Variants in CLIP4 observed in about 807,000 individuals in gnomAD.
CLIP4 encodes CAP-Gly domain-containing linker protein 4.
A neutral mutation model predicts 73.1 loss-of-function variants in CLIP4; 47 were observed. That is an observed-to-expected ratio of 0.64 (90% CI 0.51 to 0.82). CLIP4 has a LOEUF of 0.82. CLIP4 is among the 40% of genes least tolerant of loss of function. The pLI, the probability that CLIP4 is intolerant of heterozygous loss-of-function variation, is 0.00. For missense variants in CLIP4, 874 were observed against 852.9 expected (o/e 1.02, Z -0.31); for synonymous variants, 306 against 295.4 (o/e 1.04, Z -0.37).
chr2:29,154,383 C>T (rs966368465), intron 9 of CLIP4, among the ~76,000 whole-genome samples: 3 of 152,104 alleles, frequency 2.0e-5, no homozygotes, highest in Non-Finnish European at 2.9e-5. Flanking sequence ...GGCAGTCCTA[C>T]GTGGTATGGA....
intron 1 of CLIP4, among the ~76,000 whole-genome samples, chr2:29,118,580 G>A (rs189874163): frequency 9.9e-5 from 15 of 150,988 alleles, no homozygotes; most frequent in African/African-American, 3.4e-4. Flanking sequence ...CTGCAGTGGC[G>A]GGATCTCGGC....
chr2:29,123,555 G>T (rs751073434), intron 2 of CLIP4, among the ~76,000 whole-genome samples: 1 of 152,170 alleles, frequency 6.6e-6, no homozygotes, highest in East Asian at 1.9e-4. Flanking sequence ...GAAGAGGCTG[G>T]CTGTGAGAAG....
chr2:29,170,197 G>A (rs958771595), intron 14 of CLIP4, among the ~76,000 whole-genome samples: 34 of 152,254 alleles, frequency 2.2e-4, no homozygotes, highest in African/African-American at 7.7e-4. Flanking sequence ...TGGCTGTTGG[G>A]AATCGTGCTT....
In CLIP4 at chr2:29,162,319, A is replaced by G. The variant is rs753476008; in HGVS notation, c.1535-1512A>G. 8.5e-5 allele frequency among the ~76,000 whole-genome samples: 13 copies of G among 152,358 alleles called. No individual in the cohort carries two copies. In the South Asian group the frequency reaches 1.2e-3, roughly 15 times the overall value. On this transcript the variant is annotated intron_variant, in intron 12 of 15. Coordinates refer to ENST00000320081, the MANE Select transcript of CLIP4 (RefSeq NM_024692.6). Reference sequence around the variant, plus strand: ...CTGTAAGGAAGTAGTAGCATTAAAAATTAATCACTGCTACAGAACAGTGGT... The same window carrying G: ...CTGTAAGGAAGTAGTAGCATTAAAAGTTAATCACTGCTACAGAACAGTGGT...
upstream of CLIP4, among the ~76,000 whole-genome samples, chr2:29,110,864 T>A (rs1217517074): frequency 6.6e-6 from 1 of 152,080 alleles, no homozygotes; most frequent in Non-Finnish European, 1.5e-5. Context: ...AATTTTTGTA[T>A]TTTTAGCAGA....
intron 1 of CLIP4, among the ~76,000 whole-genome samples, chr2:29,103,982 C>G (rs1283477615): frequency 6.6e-6 from 1 of 151,986 alleles, no homozygotes; most frequent in Non-Finnish European, 1.5e-5. Flanking sequence ...GCTGGGATTA[C>G]AGGTGTGAGC....
chr2:29,140,148 A>C (rs1483574670), intron 6 of CLIP4, among the ~76,000 whole-genome samples: 1 of 152,034 alleles, frequency 6.6e-6, no homozygotes, highest in Non-Finnish European at 1.5e-5. Flanking sequence ...TTACATATGT[A>C]TACATGTGCC....
chr2:29,131,885 A>G (rs1479342218), intron 3 of CLIP4: 1 of 416,062 alleles, frequency 2.4e-6, no homozygotes, highest in Non-Finnish European at 4.2e-6. Context: ...AATTTTGCTC[A>G]TTTTTGAGAG....
chr2:29,165,067 C>T (rs1336701809), intron 13 of CLIP4, among the ~76,000 whole-genome samples: 1 of 152,074 alleles, frequency 6.6e-6, no homozygotes, highest in Non-Finnish European at 1.5e-5. Context: ...ATTAATTCCC[C>T]CAGACCCTGC....
At chr2:29,164,024 AT>A in intron 13 of CLIP4, 70 bp downstream of exon 13, 1 of 1,262,094 alleles carries the variant, frequency 7.9e-7, no homozygotes, top group Non-Finnish European at 1.1e-6. Flanking sequence ...AGAGACACTA[AT>A]TTTATATTAA....
At chr2:29,129,976 A>G (rs1259396844) in intron 2 of CLIP4, 1 of 470,822 alleles carries the variant, frequency 2.1e-6, no homozygotes, top group African/African-American at 2.0e-5. Context: ...TTTTTTCAGC[A>G]GCTGCTCTGG....
At chr2:29,149,307 A>G (rs76971649) in intron 8 of CLIP4, among the ~76,000 whole-genome samples, 8,934 of 152,222 alleles carry the variant, frequency 0.059, 310 homozygotes, top group Non-Finnish European at 0.072. Flanking sequence ...GTTATTTAGT[A>G]TAAAATGAAA....
intron 5 of CLIP4, among the ~76,000 whole-genome samples, chr2:29,134,226 A>T (rs1046835447): frequency 6.6e-6 from 1 of 152,182 alleles, no homozygotes; most frequent in Admixed American, 6.5e-5. Flanking sequence ...TATATAATTC[A>T]ACTTAAGGGA....
chr2:29,107,373 T>TTGTTTTTTTTTTTTTTG (rs1668251212), intron 1 of CLIP4, among the ~76,000 whole-genome samples: 1 of 126,792 alleles, frequency 7.9e-6, no homozygotes, highest in African/African-American at 2.9e-5. Context: ...TTTTTTTTTT[T>TTGTTTTTTTTTTTTTTG]TTTTTTTTTT....
At chr2:29,111,804 T>C (rs1002202165), upstream of CLIP4, among the ~76,000 whole-genome samples, 1 of 151,306 alleles carries the variant, frequency 6.6e-6, no homozygotes, top group East Asian at 1.9e-4. Context: ...AGTCATACAA[T>C]TTTTTTTTGC....
At chr2:29,177,026 T>C (rs1668383761) in intron 15 of CLIP4, among the ~76,000 whole-genome samples, 2 of 152,228 alleles carry the variant, frequency 1.3e-5, no homozygotes, top group South Asian at 4.1e-4. Flanking sequence ...CGATTGGCTC[T>C]TGTGTTTCCC....
At chr2:29,110,770 C>T (rs892813804), upstream of CLIP4, among the ~76,000 whole-genome samples, 1 of 152,206 alleles carries the variant, frequency 6.6e-6, no homozygotes, top group Non-Finnish European at 1.5e-5. Context: ...CTCACTGCAA[C>T]CTCCACCTCC....
At chr2:29,106,252 A>G (rs1232937270) in intron 1 of CLIP4, among the ~76,000 whole-genome samples, 1 of 152,220 alleles carries the variant, frequency 6.6e-6, no homozygotes, top group Non-Finnish European at 1.5e-5. Flanking sequence ...AACAATGCAC[A>G]TCGCATAGTT....
At chr2:29,129,762 C>T (rs1010379581) in intron 2 of CLIP4, among the ~76,000 whole-genome samples, 2 of 152,122 alleles carry the variant, frequency 1.3e-5, no homozygotes, top group Non-Finnish European at 1.5e-5. Context: ...GGATACTCCT[C>T]CTTCAAGGGC....
Sources: gnomAD v4.1 joint callset for allele counts (sites outside exome capture counted in the v4.1 genomes callset) on GRCh38, gnomAD v4.1.1 for gene constraint, MANE v1.5 for transcripts, NCBI Gene and HGNC (gene_info 2026-07-23, HGNC 2026-07-21) for gene names.